Variants in NEDD4L observed in about 807,000 individuals in gnomAD.
NEDD4L encodes the protein E3 ubiquitin-protein ligase NEDD4-like.
In NEDD4L, 54 loss-of-function variants were observed where a neutral mutation model predicts 148.9. The ratio of observed to expected loss-of-function variants is 0.36; its 90% CI spans 0.29 to 0.45. The LOEUF (loss-of-function observed/expected upper bound fraction) is 0.45. NEDD4L is among the 20% of genes least tolerant of loss of function. The probability of loss-of-function intolerance (pLI) is 1.00; values close to 1 mark genes in which losing one functional copy is unlikely to be tolerated. For synonymous variants in NEDD4L, 433 were observed against 440.7 expected, an observed-to-expected ratio of 0.98 and a Z score of 0.22; for missense variants, 856 against 1,233.8, an observed-to-expected ratio of 0.69 and a Z score of 4.59.
At chr18:58,107,196 C>T (rs1458609141) in intron 1 of NEDD4L, among the ~76,000 whole-genome samples, 1 of 152,164 alleles carries the variant, frequency 6.6e-6, no homozygotes, top group African/African-American at 2.4e-5. Flanking sequence ...AACTTATTTA[C>T]TCCTTTAAAA....
At chr18:58,346,703 G>C (rs1375299833) in intron 16 of NEDD4L, among the ~76,000 whole-genome samples, 1 of 152,178 alleles carries the variant, frequency 6.6e-6, no homozygotes, top group African/African-American at 2.4e-5. Context: ...CTTTGAACTT[G>C]ATGGAGGGAA....
chr18:58,314,864 T>C (rs1350765811), intron 5 of NEDD4L, among the ~76,000 whole-genome samples: 1 of 152,234 alleles, frequency 6.6e-6, no homozygotes, highest in Non-Finnish European at 1.5e-5. Context: ...TTGGAGCAAG[T>C]CATTTCAATA....
intron 5 of NEDD4L, among the ~76,000 whole-genome samples, chr18:58,310,293 G>T (rs761382893): frequency 7.2e-5 from 11 of 152,308 alleles, no homozygotes; most frequent in Non-Finnish European, 1.6e-4. Flanking sequence ...ACCTTACTGT[G>T]TATAACTGAA....
At chr18:58,386,799 G>A (rs1476161322) in intron 26 of NEDD4L, among the ~76,000 whole-genome samples, 1 of 152,176 alleles carries the variant, frequency 6.6e-6, no homozygotes, top group Non-Finnish European at 1.5e-5. Context: ...CTCAGAAACA[G>A]CTCGGGGCCT....
intron 18 of NEDD4L, among the ~76,000 whole-genome samples, chr18:58,351,919 G>C (rs1277629918): frequency 6.6e-6 from 1 of 152,192 alleles, no homozygotes; most frequent in African/African-American, 2.4e-5. Context: ...CTGGCCACAA[G>C]TAATCCTCAC....
chr18:58,146,104 C>T (rs1016125231), intron 1 of NEDD4L, among the ~76,000 whole-genome samples: 2 of 152,040 alleles, frequency 1.3e-5, no homozygotes, highest in African/African-American at 2.4e-5. Flanking sequence ...AGAGTCATTG[C>T]GAGGATTAAA....
chr18:58,142,739 C>A (rs1222268375), intron 1 of NEDD4L, among the ~76,000 whole-genome samples: 2 of 152,224 alleles, frequency 1.3e-5, no homozygotes, highest in African/African-American at 4.8e-5. Context: ...CAGGCCCAGA[C>A]TGTGAAGACT....
At chr18:58,362,196 T>C (rs2045578728) in intron 19 of NEDD4L, among the ~76,000 whole-genome samples, 1 of 152,216 alleles carries the variant, frequency 6.6e-6, no homozygotes, top group Non-Finnish European at 1.5e-5. Flanking sequence ...GGGCCACATG[T>C]TGAAATCTGC....
chr18:58,137,241 A>G (rs767760352), intron 1 of NEDD4L, among the ~76,000 whole-genome samples: 2 of 152,206 alleles, frequency 1.3e-5, no homozygotes, highest in Non-Finnish European at 2.9e-5. Context: ...GGATTCATTT[A>G]TTCTTAGAGG....
At chr18:58,083,205 G>A (rs1404271801) in intron 1 of NEDD4L, among the ~76,000 whole-genome samples, 5 of 152,156 alleles carry the variant, frequency 3.3e-5, no homozygotes, top group Admixed American at 3.3e-4. Flanking sequence ...GTATATATAC[G>A]AGAAGTGCTG....
chr18:58,223,314 C>T (rs1220685952), intron 2 of NEDD4L, among the ~76,000 whole-genome samples: 1 of 151,972 alleles, frequency 6.6e-6, no homozygotes, highest in Non-Finnish European at 1.5e-5. Context: ...ACATTTGGGA[C>T]ATTTTCTTGG....
chr18:58,135,292 A>C (rs781592384), intron 1 of NEDD4L, among the ~76,000 whole-genome samples: 1 of 152,216 alleles, frequency 6.6e-6, no homozygotes, highest in African/African-American at 2.4e-5. Flanking sequence ...TGATGTGGCA[A>C]ATTGGCCCAG....
chr18:58,105,242 C>T (rs2084997460), intron 1 of NEDD4L, among the ~76,000 whole-genome samples: 1 of 152,156 alleles, frequency 6.6e-6, no homozygotes, highest in Non-Finnish European at 1.5e-5. Context: ...GCCTGAAGCC[C>T]AGAAACGCAT....
intron 6 of NEDD4L, among the ~76,000 whole-genome samples, chr18:58,318,962 T>C (rs1449280983): frequency 6.6e-6 from 1 of 152,238 alleles, no homozygotes; most frequent in African/African-American, 2.4e-5. Flanking sequence ...GACTCTGGAA[T>C]TTAAATTTTC....
chr18:58,063,198 A>G (rs764950038), intron 1 of NEDD4L, among the ~76,000 whole-genome samples: 2 of 151,466 alleles, frequency 1.3e-5, no homozygotes, highest in South Asian at 4.2e-4. Flanking sequence ...GGCACTCGCC[A>G]CCATGCCTGG....
intron 1 of NEDD4L, among the ~76,000 whole-genome samples, chr18:58,118,087 T>G (rs192535695): frequency 2.6e-5 from 4 of 152,372 alleles, no homozygotes; most frequent in African/African-American, 9.6e-5. Flanking sequence ...TCCCTTCCCT[T>G]TTCCTTCATG....
chr18:58,074,664 A>G (rs575229609), intron 1 of NEDD4L, among the ~76,000 whole-genome samples: 1 of 152,066 alleles, frequency 6.6e-6, no homozygotes, highest in Non-Finnish European at 1.5e-5. Flanking sequence ...TATCTGCCTG[A>G]TGGATGGCTT....
At chr18:58,214,287 T>C (rs148092256) in intron 2 of NEDD4L, among the ~76,000 whole-genome samples, 1 of 152,332 alleles carries the variant, frequency 6.6e-6, no homozygotes, top group African/African-American at 2.4e-5. Context: ...CCTGGTTTTG[T>C]TTTTCTTTCA....
chr18:58,288,301 A>G (rs952959506), intron 5 of NEDD4L, among the ~76,000 whole-genome samples: 1 of 152,230 alleles, frequency 6.6e-6, no homozygotes, highest in South Asian at 2.1e-4. Flanking sequence ...TTGTTTATGC[A>G]TGCCCTAGAA....
Sources: allele counts gnomAD v4.1 joint callset (sites outside exome capture counted in the v4.1 genomes callset), GRCh38; gene constraint gnomAD v4.1.1; transcripts MANE v1.5; gene names NCBI Gene and HGNC (gene_info 2026-07-23, HGNC 2026-07-21).